Variants in PCM1 observed in about 807,000 individuals in gnomAD.
The protein encoded by PCM1 is pericentriolar material 1.
A neutral mutation model predicts 241.9 loss-of-function variants in PCM1; 157 were observed. That is an observed-to-expected ratio of 0.65 (90% CI 0.57 to 0.74). PCM1 has a LOEUF of 0.74. Among genes scored for constraint, PCM1 ranks in the 30% least tolerant of loss-of-function variants. PCM1 has a pLI of 0.00. For missense variants in PCM1, 3,478 were observed against 2,360.1 expected, an observed-to-expected ratio of 1.47 and a Z score of -9.81; for synonymous variants, 1,085 against 784.9, an observed-to-expected ratio of 1.38 and a Z score of -6.39.
rs561145371 is a variant in PCM1, at chr8:17,969,721, G to T, written c.3557G>T (p.Ser1186Ile). ...YMAFPKPFESSSSIGAEKPRN... is the reference protein window; with the variant it reads ...YMAFPKPFESISSIGAEKPRN... ...GCTTTTCCAAAACCTTTTGAAAGCAGTTCCTCTATTGGAGCAGAGAAACCA... is the reference window on the plus strand; with the variant it reads ...GCTTTTCCAAAACCTTTTGAAAGCATTTCCTCTATTGGAGCAGAGAAACCA... The change falls in exon 22 of 39, where the codon AGT becomes ATT. Residue 1186 changes from serine to isoleucine, a missense_variant. Physicochemically the swap from Ser to Ile is moderately radical, Grantham distance 142 (BLOSUM62 -2). Transcript: ENST00000325083. The T allele has an allele frequency of 2.5e-6, 4 of 1,604,526 alleles. No individual in the cohort carries two copies. Among genetic ancestry groups the T allele is most frequent in the African/African-American group, 2.8e-5 (2 of 71,454 alleles).
intron 6 of PCM1, among the ~76,000 whole-genome samples, chr8:17,945,784 A>G (rs375322071): frequency 3.6e-4 from 46 of 127,456 alleles, no homozygotes; most frequent in East Asian, 9.2e-4. Flanking sequence ...AGTGTAGATC[A>G]GTGCATTTTT....
intron 2 of PCM1, among the ~76,000 whole-genome samples, chr8:17,931,490 T>C (rs778707731): frequency 2.0e-5 from 3 of 152,158 alleles, no homozygotes; most frequent in Admixed American, 6.5e-5. Flanking sequence ...GATTTCGTTA[T>C]GTTGGCCAGG....
Position 17,938,897 on chromosome 8 carries a change from G to A in PCM1, c.500G>A (p.Gly167Glu), listed in dbSNP as rs1160724614. 5.6e-6 allele frequency: 9 copies of A among 1,613,634 alleles called. No individual in the cohort carries two copies. The highest frequency in any genetic ancestry group is 1.3e-5 in the African/African-American group (1 of 74,928). ...AACCCCCCAAACAGAGAAACGATTG[G>A]ATCAGCACAGTGTAAAGAGTTGTTT... ...STNPPNRETI[G>E]SAQCKELFAS... Residue 167 changes from glycine (G) to glutamate (E), a missense_variant, in exon 5 of 39, where the codon GGA becomes GAA. Gly to Glu is a moderately conservative substitution (Grantham distance 98). Transcript: ENST00000325083.
At chr8:17,939,035 A>T (rs769172320) in intron 5 of PCM1, 26 bp downstream of exon 5, 1 of 1,610,480 alleles carries the variant, frequency 6.2e-7, no homozygotes. Context: ...TCTTTTGCTC[A>T]TTCTTTACAC....
chr8:18,012,172 G>T (rs945323737), intron 34 of PCM1, among the ~76,000 whole-genome samples: 1 of 152,006 alleles, frequency 6.6e-6, no homozygotes, highest in Non-Finnish European at 1.5e-5. Flanking sequence ...TAATTTATAC[G>T]TTTTAAATTA....
rs1013831387 is a variant in PCM1, at chr8:17,947,859, A to T, written c.961+496A>T. Among the ~76,000 whole-genome samples, 3 of 152,142 alleles carry T rather than the reference A, an allele frequency of 2.0e-5. No homozygotes were observed. The East Asian group carries it at 5.8e-4, about 29-fold the overall frequency. ...CTTTTGTATATGCTAGCTCCTTGGA[A>T]CTATATTTATAGTGTATACATTCTT... On this transcript the variant is annotated intron_variant, in intron 7 of 38. Coordinates refer to ENST00000325083, the MANE Select transcript of PCM1 (RefSeq NM_006197.4).
Position 17,955,558 on chromosome 8 carries a change from T to G in PCM1, c.1377T>G (p.Asn459Lys). The change falls in exon 10 of 39, where the codon AAT (asparagine) becomes AAG (lysine). Residue 459 changes from asparagine (N) to lysine (K), a missense_variant. By Grantham distance (94) the Asn-to-Lys change is moderately conservative (BLOSUM62 0). Transcript: ENST00000325083. ...CACCGGTTGTCAATGGAGAATCCAA[T>G]AGCCTCACATCATCTGTTCCTTATC... The part of the protein sequence containing the change: ...GLAPVVNGES[N>K]SLTSSVPYPT... 2 of 1,613,742 alleles carry G rather than the reference T, an allele frequency of 1.2e-6. No homozygotes were observed. The highest frequency in any genetic ancestry group is 2.2e-5 in the South Asian group (2 of 91,062).
At chr8:17,989,834 TTTTG>T (rs2083902591) in intron 26 of PCM1, 21 bp from the exon 27 acceptor site, 2 of 1,462,416 alleles carry the variant, frequency 1.4e-6, no homozygotes, top group Non-Finnish European at 9.3e-7. Context: ...TATTAGTGAT[TTTTG>T]TTTGTTTTAC....
intron 23 of PCM1, among the ~76,000 whole-genome samples, chr8:17,979,457 T>C (rs73571794): frequency 0.02 from 3,030 of 152,258 alleles, 110 homozygotes; most frequent in African/African-American, 0.07. Context: ...TGGCTGGTTA[T>C]GGAATAAGTG....
At chr8:17,962,529 G>A (rs1034941574) in intron 16 of PCM1, among the ~76,000 whole-genome samples, 8 of 152,064 alleles carry the variant, frequency 5.3e-5, no homozygotes, top group African/African-American at 1.9e-4. Context: ...CCTATCCTTT[G>A]ACATTTTATT....
chr8:18,026,664 G>A lies in PCM1; in HGVS notation c.6050-973G>A, dbSNP rs139857939. 5.7e-4 allele frequency among the ~76,000 whole-genome samples: 87 copies of A among 152,002 alleles called. 1 individual carries two copies. The highest frequency in any genetic ancestry group is 1.9e-3 in the African/African-American group (78 of 41,424). The stretch of plus-strand genomic sequence containing the variant: ...TGCAGATAATACCTCTTTTCTACCC[G>A]ATGACAAGTATGTATCTAGCCCTAC... On this transcript the variant is annotated intron_variant, in intron 38 of 38. Transcript: ENST00000325083.
intron 38 of PCM1, 135 bp downstream of exon 38, chr8:18,025,793 C>A (rs1314771348): frequency 5.2e-6 from 3 of 579,074 alleles, no homozygotes; most frequent in Non-Finnish European, 9.1e-6. Context: ...AAGTGTAATT[C>A]TGTAAGAATT....
intron 30 of PCM1, among the ~76,000 whole-genome samples, chr8:18,008,263 T>A (rs2091860607): frequency 6.6e-6 from 1 of 152,004 alleles, no homozygotes; most frequent in South Asian, 2.1e-4. Context: ...GTGTGAACCC[T>A]ACTGTGAACT....
intron 2 of PCM1, among the ~76,000 whole-genome samples, chr8:17,929,126 C>T (rs999843600): frequency 6.6e-6 from 1 of 152,122 alleles, no homozygotes; most frequent in Non-Finnish European, 1.5e-5. Context: ...CCTCACTACC[C>T]CTGCTGAAAT....
At chr8:18,024,948 A>ATTCATACC (rs2094064872) in intron 36 of PCM1, 1 of 154,352 alleles carries the variant, frequency 6.5e-6, no homozygotes, top group Non-Finnish European at 1.4e-5. Flanking sequence ...CAGTTACTAA[A>ATTCATACC]TTCATACCTC....
chr8:18,004,573 G>C (rs1158857757), intron 29 of PCM1, among the ~76,000 whole-genome samples: 4 of 152,158 alleles, frequency 2.6e-5, no homozygotes, highest in Non-Finnish European at 5.9e-5. Flanking sequence ...CCAGTAAAGA[G>C]TAGAACTAAT....
intron 3 of PCM1, among the ~76,000 whole-genome samples, chr8:17,936,270 A>T (rs2060403334): frequency 6.6e-6 from 1 of 152,114 alleles, no homozygotes; most frequent in African/African-American, 2.4e-5. Flanking sequence ...GTGAGGTGTA[A>T]GTAGTGTAAC....
intron 22 of PCM1, among the ~76,000 whole-genome samples, chr8:17,972,047 A>C (rs1233257473): frequency 1.3e-5 from 2 of 152,090 alleles, no homozygotes; most frequent in Non-Finnish European, 2.9e-5. Flanking sequence ...AGCTAGCCTG[A>C]TTTTTCTTTC....
At chr8:17,933,408 A>G (rs1585715058) in intron 2 of PCM1, among the ~76,000 whole-genome samples, 3 of 151,916 alleles carry the variant, frequency 2.0e-5, no homozygotes, top group South Asian at 4.1e-4. Context: ...TTTTTTTCCG[A>G]TATGTTTATT....
Sources: allele counts gnomAD v4.1 joint callset (sites outside exome capture counted in the v4.1 genomes callset), GRCh38; gene constraint gnomAD v4.1.1; transcripts MANE v1.5; gene names NCBI Gene and HGNC (gene_info 2026-07-23, HGNC 2026-07-21).